Variants in BAZ2B observed in about 807,000 individuals in gnomAD.
BAZ2B encodes bromodomain adjacent to zinc finger domain 2B.
In BAZ2B, 91 loss-of-function variants were observed where a neutral mutation model predicts 246.0. The observed-to-expected ratio is 0.37, with a 90% confidence interval of 0.31 to 0.44. BAZ2B has a LOEUF of 0.44. Ranked by LOEUF, BAZ2B falls within the 20% of genes least tolerant of loss-of-function variation. The pLI is 1.00. For missense variants in BAZ2B, 2,332 were observed against 2,533.7 expected (o/e 0.92, Z 1.71); for synonymous variants, 855 against 860.0 (o/e 0.99, Z 0.10).
chr2:159,541,083 G>A (rs1309327909), intron 2 of BAZ2B, among the ~76,000 whole-genome samples: 4 of 152,102 alleles, frequency 2.6e-5, no homozygotes, highest in African/African-American at 9.7e-5. Context: ...GAAATGGGGT[G>A]ATACAGATGT....
chr2:159,570,169 A>C (rs1683607893), intron 1 of BAZ2B, among the ~76,000 whole-genome samples: 1 of 138,808 alleles, frequency 7.2e-6, no homozygotes, highest in South Asian at 2.5e-4. Flanking sequence ...GAATTTCATT[A>C]AAGTTTTTTT....
At chr2:159,676,924 AT>A in the BAZ2B span, among the ~76,000 whole-genome samples, 1 of 88,336 alleles carries the variant, frequency 1.1e-5, no homozygotes, top group Non-Finnish European at 2.2e-5. Flanking sequence ...AAGTGTTATA[AT>A]TTTTAAAAGT....
At chr2:159,568,797 T>C (rs1230864896) in intron 1 of BAZ2B, among the ~76,000 whole-genome samples, 1 of 152,212 alleles carries the variant, frequency 6.6e-6, no homozygotes, top group East Asian at 1.9e-4. Context: ...CTAATTGTGA[T>C]TCTTAAGAGC....
the BAZ2B span, among the ~76,000 whole-genome samples, chr2:159,669,404 T>C: frequency 1.3e-5 from 2 of 152,226 alleles, no homozygotes; most frequent in Admixed American, 6.5e-5. Context: ...AAAAAATATG[T>C]ATTTGGCAGT....
At chr2:159,582,018 T>G (rs924594127) in intron 1 of BAZ2B, among the ~76,000 whole-genome samples, 2 of 152,056 alleles carry the variant, frequency 1.3e-5, no homozygotes, top group African/African-American at 4.8e-5. Flanking sequence ...TGTGTACATA[T>G]GTAACAAACC....
intron 1 of BAZ2B, among the ~76,000 whole-genome samples, chr2:159,580,429 TAGA>T (rs1485903563): frequency 1.3e-5 from 2 of 151,992 alleles, no homozygotes; most frequent in East Asian, 3.9e-4. Flanking sequence ...CACAAACAAA[TAGA>T]AGAACATTCC....
chr2:159,429,117 G>T, intron 11 of BAZ2B, 83 bp downstream of exon 11: 1 of 916,292 alleles, frequency 1.1e-6, no homozygotes. Context: ...TCTATTAATT[G>T]TAGAGAATGA....
At chr2:159,648,365 T>C in the BAZ2B span, among the ~76,000 whole-genome samples, 2 of 152,200 alleles carry the variant, frequency 1.3e-5, no homozygotes, top group African/African-American at 4.8e-5. Context: ...CTCAAACTCC[T>C]GACCTCAACT....
intron 2 of BAZ2B, among the ~76,000 whole-genome samples, chr2:159,495,861 G>C (rs993741678): frequency 3.3e-5 from 5 of 150,618 alleles, no homozygotes; most frequent in African/African-American, 9.7e-5. Context: ...TCTGCCTCCC[G>C]GGTTCTCACC....
intron 22 of BAZ2B, 79 bp from the exon 23 acceptor site, chr2:159,385,448 A>T: frequency 1.5e-6 from 2 of 1,308,034 alleles, no homozygotes; most frequent in Non-Finnish European, 2.1e-6. Flanking sequence ...AAATCCTCAT[A>T]TTATTTGATT....
At chr2:159,676,710 G>A in the BAZ2B span, among the ~76,000 whole-genome samples, 1 of 147,572 alleles carries the variant, frequency 6.8e-6, no homozygotes, top group Non-Finnish European at 1.5e-5. Context: ...GTAATTCAAG[G>A]CAAATTCATA....
At chr2:159,389,123 AAC>A (rs1235466892) in intron 21 of BAZ2B, among the ~76,000 whole-genome samples, 6 of 151,654 alleles carry the variant, frequency 4.0e-5, no homozygotes, top group African/African-American at 1.4e-4. Context: ...CCAACCAACC[AAC>A]CAAACAAACA....
At chr2:159,489,761 C>T (rs1435546022) in intron 2 of BAZ2B, among the ~76,000 whole-genome samples, 1 of 151,962 alleles carries the variant, frequency 6.6e-6, no homozygotes, top group Non-Finnish European at 1.5e-5. Context: ...AAAAATTAGC[C>T]AGCCAGTATG....
the BAZ2B span, among the ~76,000 whole-genome samples, chr2:159,632,350 TAAAAGTCA>T: frequency 3.3e-5 from 5 of 152,228 alleles, no homozygotes; most frequent in African/African-American, 1.2e-4. Flanking sequence ...GCCCAGCTTA[TAAAAGTCA>T]AATGCTAAAT....
rs978651118 is a variant in BAZ2B, at chr2:159,448,155, A to C, written c.502+87T>G. ...AACAAACAAACAAACAAAAACAAAA[A>C]ACAAAAAAAGGTATTAAACCTGAAC... On this transcript the variant is annotated intron_variant, in intron 5 of 36. Coordinates refer to ENST00000392783, the MANE Select transcript of BAZ2B (RefSeq NM_013450.4). 15 of 1,472,154 alleles carry C rather than the reference A, an allele frequency of 1.0e-5. No individual in the cohort carries two copies. In the African/African-American group the frequency reaches 2.0e-4, roughly 20 times the overall value. The allele number at this position is 1,472,154 out of a possible 1,614,324, so 91.2% of individuals were successfully genotyped here.
chr2:159,705,366 A>T, the BAZ2B span, among the ~76,000 whole-genome samples: 3 of 152,200 alleles, frequency 2.0e-5, no homozygotes, highest in African/African-American at 7.2e-5. Flanking sequence ...ACAGAAAAAC[A>T]TAACAGTAAT....
At chr2:159,553,237 A>T (rs2088561432) in intron 2 of BAZ2B, among the ~76,000 whole-genome samples, 1 of 151,948 alleles carries the variant, frequency 6.6e-6, no homozygotes, top group Non-Finnish European at 1.5e-5. Context: ...TCTACTAAAA[A>T]TACAAAAATT....
intron 1 of BAZ2B, among the ~76,000 whole-genome samples, chr2:159,599,618 CA>C (rs70997173): frequency 0.072 from 9,543 of 132,890 alleles, 376 homozygotes; most frequent in Middle Eastern, 0.25. Context: ...AACTCTGTCT[CA>C]AAAAAAAAAA....
chr2:159,581,031 C>T (rs1263180931), intron 1 of BAZ2B, among the ~76,000 whole-genome samples: 1 of 152,030 alleles, frequency 6.6e-6, no homozygotes, highest in Non-Finnish European at 1.5e-5. Flanking sequence ...ACTAAAACAC[C>T]AAAAGCAATG....
Sources: allele counts gnomAD v4.1 joint callset (sites outside exome capture counted in the v4.1 genomes callset), GRCh38; gene constraint gnomAD v4.1.1; transcripts MANE v1.5; gene names NCBI Gene and HGNC (gene_info 2026-07-23, HGNC 2026-07-21).